Variants in MDN1 observed in about 807,000 individuals in gnomAD.
The protein encoded by MDN1 is midasin AAA ATPase 1.
In MDN1, 266 loss-of-function variants were observed where a neutral mutation model predicts 669.2. That is an observed-to-expected ratio of 0.40 (90% CI 0.36 to 0.44). MDN1 has a LOEUF of 0.44. Ranked by LOEUF, MDN1 falls within the 20% of genes least tolerant of loss-of-function variation. The pLI, the probability that MDN1 is intolerant of heterozygous loss-of-function variation, is 1.00. For missense variants in MDN1, 5,940 were observed against 6,754.0 expected (o/e 0.88, Z 4.22); for synonymous variants, 2,385 against 2,457.1 (o/e 0.97, Z 0.87).
chr6:89,780,298 A>C lies in MDN1; in HGVS notation c.1644-5T>G, dbSNP rs754233933. On this transcript the variant is annotated splice_region_variant and splice_polypyrimidine_tract_variant and intron_variant, in intron 10 of 101. Coordinates refer to ENST00000369393, the MANE Select transcript of MDN1 (RefSeq NM_014611.3). ...TTACACCAATTCAGCAGATCCCTTT[A>C]AAAAAAAGAAAGAAAAGAAAAAACA... The C allele has an allele frequency of 6.5e-7, 1 of 1,530,378 alleles. No individual in the cohort carries two copies. Among genetic ancestry groups the C allele is most frequent in the African/African-American group, 1.4e-5 (1 of 71,142 alleles). The allele number at this position is 1,530,378 out of a possible 1,614,324, so 94.8% of individuals were successfully genotyped here.
intron 63 of MDN1, among the ~76,000 whole-genome samples, chr6:89,691,570 A>G (rs965991182): frequency 6.6e-6 from 1 of 152,148 alleles, no homozygotes; most frequent in Non-Finnish European, 1.5e-5. Context: ...CAAAACAGTA[A>G]AAGTATATAC....
rs1562089373 is a variant in MDN1, at chr6:89,686,908, G to A, written c.11566C>T (p.Gln3856Ter). 4.3e-6 allele frequency: 7 copies of A among 1,613,760 alleles called. No homozygotes were observed. The highest frequency in any genetic ancestry group is 5.9e-6 in the Non-Finnish European group (7 of 1,179,950). Residue 3856 changes from glutamine (Q) to a stop codon, truncating the protein, a stop_gained, in exon 69 of 102, where the codon CAG becomes TAG. Transcript: ENST00000369393. LOFTEE classifies it high-confidence loss of function. ...ATGTACTGCTAGGCATTACCTTCCT[G>A]TTCTTCTGTTTGTTCCTGCATGTGC... ...EKHMQEQTEE[Q>*]EDDKQMTLML...
intron 15 of MDN1, among the ~76,000 whole-genome samples, chr6:89,765,879 A>G (rs148330341): frequency 4.9e-4 from 74 of 152,360 alleles, no homozygotes; most frequent in African/African-American, 1.8e-3. Flanking sequence ...CTGGCACATA[A>G]TGACTGCCAC....
intron 33 of MDN1, 135 bp downstream of exon 33, chr6:89,738,191 T>C: frequency 2.0e-6 from 2 of 1,001,148 alleles, no homozygotes; most frequent in South Asian, 4.9e-5. Context: ...GTCTACTTTG[T>C]TTCATTTACC....
chr6:89,692,887 C>A lies in MDN1; in HGVS notation c.10143G>T (p.Gln3381His). Residue 3381 changes from glutamine (Q) to histidine (H), a missense_variant, in exon 63 of 102, where the codon CAG becomes CAT. This residue lies in a region of MDN1 where 150 missense variants were observed against 234.2 expected (regional missense o/e 0.64). Coordinates refer to ENST00000369393, the MANE Select transcript of MDN1 (RefSeq NM_014611.3). Reference protein sequence around the residue: ...EEASWQQSHHQFRKRLSEEYT... With the variant: ...EEASWQQSHHHFRKRLSEEYT... ...ACTCCTCTGACAGCCGCTTCCGGAA[C>A]TGGTGGTGTGACTGCTGCCAAGAGG... The A allele has an allele frequency of 4.3e-6, 7 of 1,614,232 alleles. No individual in the cohort carries two copies. Among genetic ancestry groups the A allele is most frequent in the South Asian group, 1.1e-5 (1 of 91,086 alleles).
At chr6:89,762,293 C>G (rs747053460) in intron 16 of MDN1, 26 bp downstream of exon 16, 59 of 1,588,624 alleles carry the variant, frequency 3.7e-5, no homozygotes, top group Admixed American at 6.8e-5. Flanking sequence ...TGCCCTCCCC[C>G]ATGGCAGCCT....
At chr6:89,744,928 T>C (rs1385724001) in intron 29 of MDN1, among the ~76,000 whole-genome samples, 3 of 150,394 alleles carry the variant, frequency 2.0e-5, no homozygotes, top group Admixed American at 6.6e-5. Flanking sequence ...ACAAAGAACC[T>C]AGTCTGAAGG....
In MDN1 at chr6:89,643,269, A is replaced by G. The variant is rs1808279507; in HGVS notation, c.*736T>C. The stretch of plus-strand genomic sequence containing the variant: ...ATAAATTACTACAACAACAGGGACC[A>G]TGGCACTGAATGAAATAAAGGGGCA... On this transcript the variant is annotated 3_prime_UTR_variant, in exon 102 of 102. Coordinates refer to ENST00000369393, the MANE Select transcript of MDN1 (RefSeq NM_014611.3). The G allele has an allele frequency of 6.6e-6, 1 of 152,186 alleles. No individual in the cohort carries two copies. The highest frequency in any genetic ancestry group is 1.5e-5 in the Non-Finnish European group (1 of 68,028). 9.4% of individuals were successfully genotyped at this position (152,186 alleles called of 1,614,324 possible). A position where few individuals can be genotyped will look rare whatever the true frequency, so the allele number is the denominator to read the frequency against.
intron 2 of MDN1, among the ~76,000 whole-genome samples, chr6:89,795,796 T>C (rs1819561261): frequency 6.6e-6 from 1 of 151,094 alleles, no homozygotes. Context: ...CTACTAAAAA[T>C]ACAAAATTAG....
At chr6:89,770,450 T>C (rs1189985794) in intron 15 of MDN1, among the ~76,000 whole-genome samples, 1 of 150,256 alleles carries the variant, frequency 6.7e-6, no homozygotes, top group African/African-American at 2.4e-5. Context: ...AGTATAGACA[T>C]GTCTGCTTAA....
chr6:89,747,832 A>G (rs937811957), intron 26 of MDN1, among the ~76,000 whole-genome samples: 22 of 145,722 alleles, frequency 1.5e-4, no homozygotes, highest in African/African-American at 5.6e-4. Flanking sequence ...GGGAGCTTGC[A>G]GTGAGCCGAG....
At position 89,650,166 on chromosome 6, in the gene MDN1, A is replaced by G. The variant is rs768765677; in HGVS notation, c.16064T>C (p.Ile5355Thr). ...AGCAATGTATGGAATGACTTTCCGTATGTTTAGTCGTTTCCCAGTTCGATA... is the reference window on the plus strand; with the variant it reads ...AGCAATGTATGGAATGACTTTCCGTGTGTTTAGTCGTTTCCCAGTTCGATA... ...GDYRTGKRLN[I>T]RKVIPYIASQ... is the part of the protein sequence containing the mutation. The change falls in exon 97 of 102, where the codon ATA becomes ACA. Residue 5355 changes from isoleucine to threonine, a missense_variant. By Grantham distance (89) the Ile-to-Thr change is moderately conservative. Transcript: ENST00000369393. The G allele has an allele frequency of 1.8e-5, 29 of 1,614,048 alleles. No homozygotes were observed. The highest frequency in any genetic ancestry group is 2.7e-5 in the African/African-American group (2 of 74,920).
intron 59 of MDN1, among the ~76,000 whole-genome samples, 168 bp from the exon 60 acceptor site, chr6:89,696,742 G>A (rs1377395402): frequency 6.6e-6 from 1 of 152,186 alleles, no homozygotes. Flanking sequence ...TACCTTAAAT[G>A]AAAGTGGACT....
intron 2 of MDN1, among the ~76,000 whole-genome samples, chr6:89,795,495 G>A (rs992683456): frequency 2.6e-5 from 4 of 151,982 alleles, no homozygotes; most frequent in African/African-American, 9.7e-5. Context: ...TCAGGAGCCT[G>A]AAGCTGGAAG....
Position 89,701,671 on chromosome 6 carries a change from T to C in MDN1, c.8314A>G (p.Lys2772Glu). ...LLMNYEDKYY[K>E]EVQTVSEHIQ... is the part of the protein sequence containing the mutation. Reference sequence around the variant, plus strand: ...TGTTCTGAGACAGTCTGAACTTCTTTGTAATATCTTTAAAGGAGAACAAGG... The same window carrying C: ...TGTTCTGAGACAGTCTGAACTTCTTCGTAATATCTTTAAAGGAGAACAAGG... Residue 2772 changes from lysine to glutamate, a missense_variant, in exon 55 of 102, where the codon AAA becomes GAA. Around this residue, in one of 5 missense-constraint regions of MDN1, gnomAD observed 2,292 missense variants for 2,638.3 expected, o/e 0.87. Transcript: ENST00000369393. 1 of 1,613,798 alleles carries C rather than the reference T, an allele frequency of 6.2e-7. No individual in the cohort carries two copies. The highest frequency in any genetic ancestry group is 2.2e-5 in the East Asian group (1 of 44,884).
Position 89,730,670 on chromosome 6 carries a change from C to T in MDN1, c.5140+56G>A. The T allele has an allele frequency of 2.1e-6, 3 of 1,422,004 alleles. No individual in the cohort carries two copies. The Admixed American group carries it at 5.9e-5, about 28-fold the overall frequency. The allele number at this position is 1,422,004 out of a possible 1,614,324, so 88.1% of individuals were successfully genotyped here. On this transcript the variant is annotated intron_variant, in intron 35 of 101. Transcript: ENST00000369393. Reference sequence around the variant, plus strand: ...CATTAAAACTAAGTCACAATAAAAGCCAAGTATCTATGATCTATAGAAAAG... The same window carrying T: ...CATTAAAACTAAGTCACAATAAAAGTCAAGTATCTATGATCTATAGAAAAG...
chr6:89,746,263 G>C (rs1438018923), intron 27 of MDN1, among the ~76,000 whole-genome samples: 1 of 152,116 alleles, frequency 6.6e-6, no homozygotes, highest in Non-Finnish European at 1.5e-5. Context: ...CTTTACATGG[G>C]AAAATGCTTT....
intron 5 of MDN1, among the ~76,000 whole-genome samples, chr6:89,793,006 TCAGA>T (rs1226144177): frequency 6.6e-5 from 10 of 152,174 alleles, no homozygotes; most frequent in African/African-American, 2.2e-4. Context: ...AGCCTGACCA[TCAGA>T]CAAAGTGACA....
At position 89,700,675 on chromosome 6, in the gene MDN1, C is replaced by A. The variant is rs1813092935; in HGVS notation, c.8609G>T (p.Arg2870Ile). 1 of 1,614,098 alleles carries A rather than the reference C, an allele frequency of 6.2e-7. No individual in the cohort carries two copies. The highest frequency in any genetic ancestry group is 8.5e-7 in the Non-Finnish European group (1 of 1,180,038). Residue 2870 changes from arginine to isoleucine, a missense_variant, in exon 56 of 102, where the codon AGA (arginine) becomes ATA (isoleucine). Coordinates refer to ENST00000369393, the MANE Select transcript of MDN1 (RefSeq NM_014611.3). ...GCTGACATCTTCCAAAATATTTGCT[C>A]TGAGGATCAGTCCCCAGGCTTGCAG... ...SLLQAWGLILRANILEDVSLD... is the reference protein window; with the variant it reads ...SLLQAWGLILIANILEDVSLD...
Sources: gnomAD v4.1 joint callset for allele counts (sites outside exome capture counted in the v4.1 genomes callset) on GRCh38, gnomAD v4.1.1 for gene constraint, gnomAD v4.1.1 regional missense constraint, MANE v1.5 for transcripts, NCBI Gene and HGNC (gene_info 2026-07-23, HGNC 2026-07-21) for gene names.